ROBO1: variants seen among roughly 807,000 people sequenced by gnomAD.
The protein encoded by ROBO1 is roundabout guidance receptor 1, also known as roundabout homolog 1.
A neutral mutation model predicts 195.9 loss-of-function variants in ROBO1; 149 were observed. The ratio of observed to expected loss-of-function variants is 0.76; its 90% CI spans 0.67 to 0.87. The LOEUF (loss-of-function observed/expected upper bound fraction) is 0.87. Ranked by LOEUF, ROBO1 falls within the 40% of genes least tolerant of loss-of-function variation. The probability of loss-of-function intolerance (pLI) is 0.00; values close to 1 mark genes in which losing one functional copy is unlikely to be tolerated. For missense variants in ROBO1, 1,933 were observed against 2,068.3 expected (o/e 0.93, Z 1.27); for synonymous variants, 816 against 733.2 (o/e 1.11, Z -1.82).
chr3:79,232,247 TAAAAA>T (rs71649197), intron 2 of ROBO1, among the ~76,000 whole-genome samples: 1 of 133,688 alleles, frequency 7.5e-6, no homozygotes. Flanking sequence ...CTCCTTGATT[TAAAAA>T]AAAAAAAAAT....
intron 1 of ROBO1, among the ~76,000 whole-genome samples, chr3:79,642,017 T>C (rs1265305577): frequency 6.6e-6 from 1 of 152,134 alleles, no homozygotes; most frequent in Non-Finnish European, 1.5e-5. Flanking sequence ...AGAGACTGTT[T>C]TGTTTTGTTT....
intron 2 of ROBO1, among the ~76,000 whole-genome samples, chr3:79,234,757 G>T (rs2082378717): frequency 6.6e-6 from 1 of 152,000 alleles, no homozygotes; most frequent in Non-Finnish European, 1.5e-5. Flanking sequence ...ACTTATAAAT[G>T]GGAACTAAAC....
chr3:79,333,381 C>T (rs1296255224), intron 2 of ROBO1, among the ~76,000 whole-genome samples: 1 of 152,086 alleles, frequency 6.6e-6, no homozygotes, highest in African/African-American at 2.4e-5. Context: ...CATGCGTAAC[C>T]ATGTAAATCA....
chr3:79,478,149 T>A (rs778855601), intron 2 of ROBO1, among the ~76,000 whole-genome samples: 2 of 152,144 alleles, frequency 1.3e-5, no homozygotes, highest in Non-Finnish European at 2.9e-5. Context: ...CAAATATGGC[T>A]GCAAGTGCCC....
Position 79,589,890 on chromosome 3 carries a change from A to C in ROBO1, c.22T>G (p.Phe8Val). The C allele has an allele frequency of 6.2e-7, 1 of 1,610,880 alleles. No homozygotes were observed. The highest frequency in any genetic ancestry group is 8.5e-7 in the Non-Finnish European group (1 of 1,177,780). ...CTGAGGAGTGATATCATGACCAAAA[A>C]AGGAACATGTTTCCATTTCATCTTT... MKWKHVPFLVMISLLSLS... is the reference protein window; with the variant it reads MKWKHVPVLVMISLLSLS... The change falls in exon 2 of 31, where the codon TTT (phenylalanine) becomes GTT (valine). Residue 8 changes from phenylalanine to valine, a missense_variant. Coordinates refer to ENST00000464233, the MANE Select transcript of ROBO1 (RefSeq NM_002941.4).
intron 2 of ROBO1, among the ~76,000 whole-genome samples, chr3:79,127,796 C>T (rs2080244008): frequency 6.6e-6 from 1 of 152,154 alleles, no homozygotes; most frequent in Non-Finnish European, 1.5e-5. Context: ...TCTTAAGTGG[C>T]TTATAAATTT....
intron 4 of ROBO1, among the ~76,000 whole-genome samples, chr3:78,788,329 A>G (rs2083907789): frequency 6.7e-6 from 1 of 148,888 alleles, no homozygotes; most frequent in African/African-American, 2.5e-5. Context: ...CGTGTTAGCC[A>G]GGATGGTCTC....
chr3:79,746,327 G>A (rs945982763), intron 1 of ROBO1, among the ~76,000 whole-genome samples: 8 of 151,840 alleles, frequency 5.3e-5, no homozygotes, highest in Non-Finnish European at 8.8e-5. Flanking sequence ...AAAAGAAATC[G>A]CCACTTTTTA....
At chr3:78,935,885 A>G (rs964227095) in intron 4 of ROBO1, among the ~76,000 whole-genome samples, 2 of 152,058 alleles carry the variant, frequency 1.3e-5, no homozygotes, top group Admixed American at 6.5e-5. Flanking sequence ...AAACTACTAT[A>G]CATTTCCTAG....
intron 2 of ROBO1, among the ~76,000 whole-genome samples, chr3:79,252,198 T>A (rs2082743270): frequency 6.6e-6 from 1 of 152,156 alleles, no homozygotes; most frequent in African/African-American, 2.4e-5. Context: ...TACAACTTAT[T>A]ATGTGTATTT....
chr3:79,478,884 C>G (rs1307828549), intron 2 of ROBO1, among the ~76,000 whole-genome samples: 1 of 152,132 alleles, frequency 6.6e-6, no homozygotes, highest in Non-Finnish European at 1.5e-5. Context: ...GGAGCAATTC[C>G]TGACTTGGCA....
At chr3:78,919,033 G>A (rs1057371496) in intron 4 of ROBO1, among the ~76,000 whole-genome samples, 1 of 152,040 alleles carries the variant, frequency 6.6e-6, no homozygotes, top group African/African-American at 2.4e-5. Flanking sequence ...TTGGAAAAAA[G>A]GTCAATGACA....
chr3:79,171,811 T>C (rs1428786305), intron 2 of ROBO1, among the ~76,000 whole-genome samples: 1 of 152,124 alleles, frequency 6.6e-6, no homozygotes, highest in Non-Finnish European at 1.5e-5. Context: ...TGAAAGTCAA[T>C]TGACTATATG....
In ROBO1 at chr3:79,338,339, C is replaced by A. The variant is rs1361490533; in HGVS notation, c.89-212800G>T. Among the ~76,000 whole-genome samples, 3 of 152,284 alleles carry A rather than the reference C, an allele frequency of 2.0e-5. No individual in the cohort carries two copies. In the East Asian group the frequency reaches 5.8e-4, roughly 29 times the overall value. On this transcript the variant is annotated intron_variant, in intron 2 of 30. Transcript: ENST00000464233. ...AATAAATTTACATTTCTCTCAAAAA[C>A]AATTCTCAAATATTGCCACCTTTAT...
intron 8 of ROBO1, among the ~76,000 whole-genome samples, chr3:78,701,059 C>T (rs1011702544): frequency 4.6e-5 from 7 of 152,152 alleles, no homozygotes; most frequent in African/African-American, 9.7e-5. Context: ...CCACCATGCC[C>T]GGCCTCTCCA....
At chr3:78,629,917 C>T (rs554176193) in intron 25 of ROBO1, among the ~76,000 whole-genome samples, 3 of 152,228 alleles carry the variant, frequency 2.0e-5, no homozygotes, top group African/African-American at 7.2e-5. Flanking sequence ...GGTAAACAAG[C>T]GTCCTTTTCA....
chr3:79,169,166 C>T (rs188213942), intron 2 of ROBO1, among the ~76,000 whole-genome samples: 1 of 152,214 alleles, frequency 6.6e-6, no homozygotes, highest in Admixed American at 6.5e-5. Context: ...TGACTGGGAT[C>T]TCTTCAAGAG....
chr3:79,255,232 T>C (rs1559768576), intron 2 of ROBO1, among the ~76,000 whole-genome samples: 1 of 152,170 alleles, frequency 6.6e-6, no homozygotes, highest in Non-Finnish European at 1.5e-5. Context: ...GTGGCACACC[T>C]GTAGTCCCAG....
intron 3 of ROBO1, among the ~76,000 whole-genome samples, chr3:79,114,852 G>A (rs1322249127): frequency 6.6e-6 from 1 of 152,162 alleles, no homozygotes; most frequent in Non-Finnish European, 1.5e-5. Flanking sequence ...CCACTTTTGA[G>A]TGTGATGCAG....
Sources: gnomAD v4.1 joint callset for allele counts (sites outside exome capture counted in the v4.1 genomes callset) on GRCh38, gnomAD v4.1.1 for gene constraint, MANE v1.5 for transcripts, NCBI Gene and HGNC (gene_info 2026-07-23, HGNC 2026-07-21) for gene names.